Variants in CD70 observed in about 807,000 individuals in gnomAD.
CD70 encodes the protein CD70 molecule.
A neutral mutation model predicts 9.0 loss-of-function variants in CD70; 6 were observed. The observed-to-expected ratio is 0.67, with a 90% CI of 0.37 to 1.32. CD70 has a LOEUF of 1.32. Ranked by LOEUF, CD70 falls within the 40% of genes most tolerant of loss-of-function variation. The pLI is 0.02. For missense variants in CD70, 235 were observed against 258.7 expected (o/e 0.91, Z 0.63); for synonymous variants, 108 against 112.3 (o/e 0.96, Z 0.24).
At chr19:6,585,223 A>G (rs1915990744), downstream of CD70, among the ~76,000 whole-genome samples, 1 of 151,942 alleles carries the variant, frequency 6.6e-6, no homozygotes, top group Non-Finnish European at 1.5e-5. Context: ...ATTTCAAGTG[A>G]TCCACCCACC....
chr19:6,582,633 A>G (rs445764), downstream of CD70, among the ~76,000 whole-genome samples: 124,814 of 151,500 alleles, frequency 0.82, 51,934 homozygotes, highest in East Asian at 0.89. Flanking sequence ...CTGTCCTTGC[A>G]ATAGTTTGCT....
Position 6,590,626 on chromosome 19 carries a change from T to A in CD70, c.162+215A>T, listed in dbSNP as rs112230275. Among the ~76,000 whole-genome samples the A allele has an allele frequency of 1.0e-3, 152 of 152,272 alleles. No homozygotes were observed. Among genetic ancestry groups the A allele is most frequent in the African/African-American group, 3.3e-3 (136 of 41,572 alleles). On this transcript the variant is annotated intron_variant, in intron 1 of 2. Coordinates refer to ENST00000245903, the MANE Select transcript of CD70 (RefSeq NM_001252.5). The surrounding 1 kb of genome is among the most constrained non-coding windows in gnomAD (Gnocchi z 5.3). ...TCTTCCATTTCCATGTGTGCCTACC[T>A]TTCCCATCCCGGGATCTCCCTGTAC...
downstream of CD70, among the ~76,000 whole-genome samples, chr19:6,585,006 T>C (rs116628416): frequency 8.3e-3 from 1,258 of 152,240 alleles, 17 homozygotes; most frequent in African/African-American, 0.028. Flanking sequence ...ATGTGTGCCA[T>C]GGTGGTTTGC....
chr19:6,582,436 G>A (rs11669728), downstream of CD70, among the ~76,000 whole-genome samples: 28,099 of 149,442 alleles, frequency 0.19, 3,033 homozygotes, highest in African/African-American at 0.3. Flanking sequence ...TATATGTGCC[G>A]TGTTGGTTTA....
downstream of CD70, among the ~76,000 whole-genome samples, chr19:6,582,945 C>T (rs1310906393): frequency 6.6e-6 from 1 of 152,180 alleles, no homozygotes; most frequent in African/African-American, 2.4e-5. Context: ...ATACAGCCTC[C>T]CTCCCGGCTG....
At chr19:6,584,159 A>AG, downstream of CD70, among the ~76,000 whole-genome samples, 1 of 150,908 alleles carries the variant, frequency 6.6e-6, no homozygotes, top group Admixed American at 6.6e-5. Flanking sequence ...AAAAAAAAAA[A>AG]AGATGTGGTG....
Position 6,590,897 on chromosome 19 carries a change from C to A in CD70, c.106G>T (p.Val36Leu), listed in dbSNP as rs764665507. Residue 36 changes from valine to leucine, a missense_variant, in exon 1 of 3, where the codon GTG becomes TTG. Transcript: ENST00000245903. The surrounding 1 kb of genome is among the most constrained non-coding windows in gnomAD (Gnocchi z 5.3). ...LVAGLVICLV[V>L]CIQRFAQAQQ... is the part of the protein sequence containing the mutation. The stretch of plus-strand genomic sequence containing the variant: ...GCCTGTGCGAAGCGCTGGATGCACA[C>A]CACGAGGCAGATCACCAAGCCCGCG... The A allele has an allele frequency of 1.2e-6, 2 of 1,614,128 alleles. No homozygotes were observed. Among genetic ancestry groups the A allele is most frequent in the Non-Finnish European group, 1.7e-6 (2 of 1,180,020 alleles).
At chr19:6,588,751 C>T (rs773105010) in intron 2 of CD70, among the ~76,000 whole-genome samples, 1 of 152,088 alleles carries the variant, frequency 6.6e-6, no homozygotes, top group African/African-American at 2.4e-5. Flanking sequence ...AAAACCTGCT[C>T]TTGGCCTGTT....
At chr19:6,585,760 C>T (rs548199447), downstream of CD70, 22 of 381,202 alleles carry the variant, frequency 5.8e-5, no homozygotes, top group African/African-American at 4.5e-4. Flanking sequence ...CTGCAACCTC[C>T]ACCTCCTCGG....
At chr19:6,583,556 T>G (rs1240081171), downstream of CD70, 1 of 105,424 alleles carries the variant, frequency 9.5e-6, no homozygotes, top group African/African-American at 5.3e-5. Flanking sequence ...TTGTAGTCTT[T>G]TTTTTTTTTT....
At position 6,585,847 on chromosome 19, in the gene CD70, G is replaced by A; in HGVS notation, c.*173C>T. 1 of 567,810 alleles carries A rather than the reference G, an allele frequency of 1.8e-6. No individual in the cohort carries two copies. The highest frequency in any genetic ancestry group is 3.1e-6 in the Non-Finnish European group (1 of 323,548). The allele number at this position is 567,810 out of a possible 1,614,324, so 35.2% of individuals were successfully genotyped here. On this transcript the variant is annotated 3_prime_UTR_variant, in exon 3 of 3. Transcript: ENST00000245903. ...ACGCCACGAAGCCCAGCTGATTTTT[G>A]TATTTTTTAATAGGAAAATGAAAGA...
chr19:6,582,936 T>C (rs1347217126), downstream of CD70, among the ~76,000 whole-genome samples: 5 of 152,186 alleles, frequency 3.3e-5, no homozygotes, highest in African/African-American at 1.2e-4. Context: ...CTTTGCAGGA[T>C]ACAGCCTCCC....
rs1383141788 is a variant in CD70, at chr19:6,591,080, T to C, written c.-78A>G. On this transcript the variant is annotated 5_prime_UTR_variant, in exon 1 of 3. Coordinates refer to ENST00000245903, the MANE Select transcript of CD70 (RefSeq NM_001252.5). ...GCTGCCGAGAAGGAAGGAAGGAAAC[T>C]GCAGCCCCCTCCCGGGGCTCCTGGG... 3.5e-6 allele frequency: 5 copies of C among 1,446,104 alleles called. No homozygotes were observed. Among genetic ancestry groups the C allele is most frequent in the Non-Finnish European group, 4.6e-6 (5 of 1,088,130 alleles). The allele number at this position is 1,446,104 out of a possible 1,614,324, so 89.6% of individuals were successfully genotyped here.
intron 2 of CD70, 89 bp from the exon 3 acceptor site, chr19:6,586,494 CGA>C (rs371767839): frequency 1.2e-5 from 16 of 1,357,238 alleles, no homozygotes; most frequent in African/African-American, 4.3e-5. Context: ...ATATAGAGAT[CGA>C]GAGTTAGAGA....
intron 2 of CD70, among the ~76,000 whole-genome samples, chr19:6,588,983 C>T (rs1050518880): frequency 3.3e-5 from 5 of 152,084 alleles, no homozygotes; most frequent in African/African-American, 1.2e-4. Flanking sequence ...TGAGCGTTTT[C>T]GTTTACTAAC....
chr19:6,590,924 C>T lies in CD70; in HGVS notation c.79G>A (p.Val27Ile). The T allele has an allele frequency of 6.2e-7, 1 of 1,614,116 alleles. No homozygotes were observed. Among genetic ancestry groups the T allele is most frequent in the South Asian group, 1.1e-5 (1 of 91,080 alleles). The change falls in exon 1 of 3, where the codon GTC (valine) becomes ATC (isoleucine). Residue 27 changes from valine to isoleucine, a missense_variant. Transcript: ENST00000245903. The surrounding 1 kb of genome is among the most constrained non-coding windows in gnomAD (Gnocchi z 5.3). The stretch of plus-strand genomic sequence containing the variant: ...ACGAGGCAGATCACCAAGCCCGCGA[C>T]CAATGGGACCAAAGCAGCCCGCAGG... ...CVLRAALVPLVAGLVICLVVC... is the reference protein window; with the variant it reads ...CVLRAALVPLIAGLVICLVVC...
Position 6,586,104 on chromosome 19 carries a change from T to C in CD70, c.498A>G (p.Thr166=). Residue 166 remains threonine, a synonymous_variant, in exon 3 of 3, where the codon ACA becomes ACG. Coordinates refer to ENST00000245903, the MANE Select transcript of CD70 (RefSeq NM_001252.5). ...QRLTPLARGD[T]LCTNLTGTLL... ...GTGTCCCAGTGAGGTTGGTGCAGAG[T>C]GTGTCCCCTCGGGCCAGGGGCGTCA... 21 of 1,613,934 alleles carry C rather than the reference T, an allele frequency of 1.3e-5. No homozygotes were observed. Among genetic ancestry groups the C allele is most frequent in the Non-Finnish European group, 1.8e-5 (21 of 1,179,944 alleles).
At chr19:6,584,083 G>A (rs1345420888), downstream of CD70, among the ~76,000 whole-genome samples, 4 of 147,046 alleles carry the variant, frequency 2.7e-5, no homozygotes, top group African/African-American at 5.0e-5. Flanking sequence ...ATGAGCCACC[G>A]CGCCTGGCCT....
chr19:6,585,226 C>T (rs1248588642), downstream of CD70, among the ~76,000 whole-genome samples: 1 of 151,068 alleles, frequency 6.6e-6, no homozygotes, highest in African/African-American at 2.4e-5. Context: ...TCAAGTGATC[C>T]ACCCACCCTG....
Sources: allele counts gnomAD v4.1 joint callset (sites outside exome capture counted in the v4.1 genomes callset), GRCh38; gene constraint gnomAD v4.1.1; non-coding constraint Gnocchi (gnomAD v3.1); transcripts MANE v1.5; gene names NCBI Gene and HGNC (gene_info 2026-07-23, HGNC 2026-07-21).